ADAMTS3: variants seen among roughly 807,000 people sequenced by gnomAD.
ADAMTS3 encodes the protein ADAM metallopeptidase with thrombospondin type 1 motif 3.
Under a neutral mutation model 129.0 loss-of-function variants are expected in ADAMTS3, and 73 were observed. The ratio of observed to expected loss-of-function variants is 0.57; its 90% CI spans 0.47 to 0.69. The LOEUF is 0.69. Ranked by LOEUF, ADAMTS3 falls within the 30% of genes least tolerant of loss-of-function variation. The probability of loss-of-function intolerance (pLI) is 0.00; values close to 1 mark genes in which losing one functional copy is unlikely to be tolerated. For missense variants in ADAMTS3, 1,457 were observed against 1,514.5 expected (o/e 0.96, Z 0.63); for synonymous variants, 477 against 510.8 (o/e 0.93, Z 0.89).
chr4:72,334,625 C>G (rs1278626823), intron 5 of ADAMTS3, among the ~76,000 whole-genome samples: 2 of 152,060 alleles, frequency 1.3e-5, no homozygotes, highest in Non-Finnish European at 2.9e-5. Flanking sequence ...TGGAATATTG[C>G]CAATACCTAA....
At chr4:72,499,030 G>C (rs1283805637) in intron 3 of ADAMTS3, among the ~76,000 whole-genome samples, 1 of 152,058 alleles carries the variant, frequency 6.6e-6, no homozygotes, top group Non-Finnish European at 1.5e-5. Flanking sequence ...AGAATCTTCA[G>C]CCCCTACAAG....
At chr4:72,536,187 C>G (rs1721180928) in intron 3 of ADAMTS3, among the ~76,000 whole-genome samples, 1 of 152,096 alleles carries the variant, frequency 6.6e-6, no homozygotes, top group Admixed American at 6.6e-5. Context: ...ATAAGTGGAA[C>G]AATAACTTTC....
intron 3 of ADAMTS3, among the ~76,000 whole-genome samples, chr4:72,479,277 TACC>T (rs1352839158): frequency 6.6e-6 from 1 of 152,148 alleles, no homozygotes; most frequent in Non-Finnish European, 1.5e-5. Context: ...GGCATCACAC[TACC>T]TGACTTCAAA....
intron 5 of ADAMTS3, among the ~76,000 whole-genome samples, chr4:72,337,593 C>T (rs1475480039): frequency 6.6e-6 from 1 of 152,084 alleles, no homozygotes; most frequent in Non-Finnish European, 1.5e-5. Flanking sequence ...TAGAAAGGGA[C>T]ATGATTTGTC....
chr4:72,345,598 T>C (rs892785461), intron 4 of ADAMTS3, among the ~76,000 whole-genome samples: 3 of 152,118 alleles, frequency 2.0e-5, no homozygotes, highest in East Asian at 3.9e-4. Flanking sequence ...CAAGTTATGA[T>C]GTCAATTCAA....
At chr4:72,534,834 T>G (rs1721147148) in intron 3 of ADAMTS3, among the ~76,000 whole-genome samples, 1 of 152,180 alleles carries the variant, frequency 6.6e-6, no homozygotes, top group South Asian at 2.1e-4. Flanking sequence ...AGAGATCCCT[T>G]TCTGAAAATT....
chr4:72,350,230 C>G (rs1720398090), intron 4 of ADAMTS3, among the ~76,000 whole-genome samples: 1 of 151,978 alleles, frequency 6.6e-6, no homozygotes, highest in African/African-American at 2.4e-5. Context: ...AACACTGTTA[C>G]TACATTTTAC....
At chr4:72,518,691 C>A (rs375011163) in intron 3 of ADAMTS3, among the ~76,000 whole-genome samples, 1 of 151,840 alleles carries the variant, frequency 6.6e-6, no homozygotes, top group Non-Finnish European at 1.5e-5. Flanking sequence ...ATTTGCTTGG[C>A]AGATCTTCCT....
chr4:72,554,000 A>G (rs1355933973), intron 2 of ADAMTS3, among the ~76,000 whole-genome samples: 10 of 152,156 alleles, frequency 6.6e-5, no homozygotes, highest in African/African-American at 1.2e-4. Context: ...CCCAAGAAAA[A>G]CTGTTGTCAT....
chr4:72,506,299 G>A (rs890792492), intron 3 of ADAMTS3, among the ~76,000 whole-genome samples: 40 of 152,294 alleles, frequency 2.6e-4, no homozygotes, highest in African/African-American at 9.4e-4. Context: ...CAGGGGAACA[G>A]GCTGGGGCAC....
chr4:72,454,577 C>T (rs1718492427), intron 3 of ADAMTS3, among the ~76,000 whole-genome samples: 1 of 151,822 alleles, frequency 6.6e-6, no homozygotes, highest in African/African-American at 2.4e-5. Context: ...TAGCACTTGA[C>T]ACTAGCTAAT....
chr4:72,505,783 GCTGTAGGTCTGC>G (rs1448093818), intron 3 of ADAMTS3, among the ~76,000 whole-genome samples: 5 of 152,214 alleles, frequency 3.3e-5, no homozygotes, highest in Non-Finnish European at 5.9e-5. Flanking sequence ...ACTCCAGATG[GCTGTAGGTCTGC>G]CTGGGCATGG....
At chr4:72,542,129 T>A (rs1176439732) in intron 3 of ADAMTS3, among the ~76,000 whole-genome samples, 1 of 151,826 alleles carries the variant, frequency 6.6e-6, no homozygotes, top group African/African-American at 2.4e-5. Context: ...TCCTAAGAAG[T>A]ACTAAACAAA....
At chr4:72,408,337 A>G (rs1039511488) in intron 4 of ADAMTS3, among the ~76,000 whole-genome samples, 1 of 152,038 alleles carries the variant, frequency 6.6e-6, no homozygotes, top group Non-Finnish European at 1.5e-5. Flanking sequence ...AGAATAACCT[A>G]ACTGAATCCT....
chr4:72,292,018 T>C (rs748384101), intron 19 of ADAMTS3, among the ~76,000 whole-genome samples: 21 of 152,210 alleles, frequency 1.4e-4, no homozygotes, highest in Non-Finnish European at 2.6e-4. Context: ...AGTTGCCCTG[T>C]TAGATTCAGG....
intron 3 of ADAMTS3, among the ~76,000 whole-genome samples, chr4:72,466,235 C>T (rs941553203): frequency 5.9e-5 from 9 of 151,938 alleles, no homozygotes; most frequent in Non-Finnish European, 1.2e-4. Context: ...CACTGTTCAG[C>T]TCGTGGCTGG....
rs534414674 is a variant in ADAMTS3 at position 72,559,780 on chromosome 4, T to C, written c.97+7594A>G. Among the ~76,000 whole-genome samples, 92 of 152,004 alleles carry C rather than the reference T, an allele frequency of 6.1e-4. 3 individuals are homozygous for C. The highest frequency in any genetic ancestry group is 2.1e-3 in the African/African-American group (88 of 41,246). The stretch of plus-strand genomic sequence containing the variant: ...CACAAGACTATGGCAAAGTAATTTA[T>C]GGATTCAATGCTATTCCCATTAAAC... On this transcript the variant is annotated intron_variant, in intron 2 of 21. Coordinates refer to ENST00000286657, the MANE Select transcript of ADAMTS3 (RefSeq NM_014243.3).
intron 3 of ADAMTS3, among the ~76,000 whole-genome samples, chr4:72,525,998 A>T (rs1720796989): frequency 6.6e-6 from 1 of 152,176 alleles, no homozygotes; most frequent in African/African-American, 2.4e-5. Flanking sequence ...GGTATCACAA[A>T]AGAATTTAAA....
intron 3 of ADAMTS3, among the ~76,000 whole-genome samples, chr4:72,462,890 T>A (rs550247831): frequency 5.3e-5 from 8 of 152,084 alleles, no homozygotes; most frequent in African/African-American, 1.9e-4. Flanking sequence ...AGAAAATTTT[T>A]AAAATAAATT....
Sources: gnomAD v4.1 joint callset for allele counts (sites outside exome capture counted in the v4.1 genomes callset) on GRCh38, gnomAD v4.1.1 for gene constraint, MANE v1.5 for transcripts, NCBI Gene and HGNC (gene_info 2026-07-23, HGNC 2026-07-21) for gene names.